NLGN1: variants seen among roughly 807,000 people sequenced by gnomAD.
NLGN1 encodes the protein neuroligin 1, also known as neuroligin-1.
A neutral mutation model predicts 65.5 loss-of-function variants in NLGN1; 12 were observed. The ratio of observed to expected loss-of-function variants is 0.18; its 90% CI spans 0.12 to 0.30. The LOEUF (loss-of-function observed/expected upper bound fraction) is 0.30. NLGN1 is among the 10% of genes least tolerant of loss of function. The probability of loss-of-function intolerance (pLI) is 1.00; values close to 1 mark genes in which losing one functional copy is unlikely to be tolerated. For missense variants in NLGN1, 750 were observed against 1,007.1 expected, an observed-to-expected ratio of 0.74 and a Z score of 3.46; for synonymous variants, 350 against 359.5, an observed-to-expected ratio of 0.97 and a Z score of 0.30.
chr3:173,760,170 C>A lies in NLGN1; in HGVS notation c.494-47510C>A, dbSNP rs561105499. ...ATTCTGTCGTCTTGCTCTGGGGTCC[C>A]ATAGAACTTTATTTTTACTTTGAGC... On this transcript the variant is annotated intron_variant, in intron 3 of 6. Transcript: ENST00000457714. Among the ~76,000 whole-genome samples, 12 of 152,010 alleles carry A rather than the reference C, an allele frequency of 7.9e-5. No individual in the cohort carries two copies. The South Asian group carries it at 2.5e-3, about 31-fold the overall frequency.
At chr3:173,641,118 T>C (rs1402575999) in intron 3 of NLGN1, among the ~76,000 whole-genome samples, 3 of 152,202 alleles carry the variant, frequency 2.0e-5, no homozygotes, top group Non-Finnish European at 4.4e-5. Context: ...ACTAAATCAT[T>C]ACACTAGAGG....
chr3:173,862,454 C>T (rs1224312886), intron 4 of NLGN1, among the ~76,000 whole-genome samples: 8 of 135,200 alleles, frequency 5.9e-5, no homozygotes, highest in East Asian at 2.2e-4. Flanking sequence ...TGCAGTGAGC[C>T]GAGATCCCGC....
intron 2 of NLGN1, among the ~76,000 whole-genome samples, chr3:173,506,856 G>GA (rs2149080636): frequency 6.6e-6 from 1 of 152,212 alleles, no homozygotes; most frequent in Admixed American, 6.6e-5. Context: ...TTAGTGTTCA[G>GA]AAAAACTTTT....
intron 4 of NLGN1, among the ~76,000 whole-genome samples, chr3:174,233,929 T>A (rs1741186893): frequency 6.6e-6 from 1 of 152,208 alleles, no homozygotes; most frequent in Non-Finnish European, 1.5e-5. Context: ...TAACTTATTT[T>A]TTGTTGTGTC....
chr3:173,840,445 T>C (rs890358923), intron 4 of NLGN1, among the ~76,000 whole-genome samples: 1 of 152,182 alleles, frequency 6.6e-6, no homozygotes, highest in Non-Finnish European at 1.5e-5. Flanking sequence ...TGGAGAGTAA[T>C]CACTGTGAAG....
chr3:174,132,386 T>G (rs970576876), intron 4 of NLGN1, among the ~76,000 whole-genome samples: 8 of 152,176 alleles, frequency 5.3e-5, no homozygotes, highest in Non-Finnish European at 8.8e-5. Flanking sequence ...ATATTGAAAT[T>G]TTTTCTTTCA....
intron 3 of NLGN1, among the ~76,000 whole-genome samples, chr3:173,738,303 T>G (rs908394354): frequency 9.2e-5 from 14 of 152,030 alleles, no homozygotes; most frequent in Non-Finnish European, 1.9e-4. Context: ...TTTGGTGTCA[T>G]GTTTAAAAAT....
At chr3:173,594,211 C>A (rs189212578) in intron 2 of NLGN1, among the ~76,000 whole-genome samples, 1 of 152,156 alleles carries the variant, frequency 6.6e-6, no homozygotes, top group South Asian at 2.1e-4. Flanking sequence ...GAAAGGCAAG[C>A]CCCTTCCAGC....
In NLGN1 at chr3:173,800,022, A is replaced by G. The variant is rs1228807752; in HGVS notation, c.494-7658A>G. 5.2e-4 allele frequency among the ~76,000 whole-genome samples: 10 copies of G among 19,050 alleles called. No individual in the cohort carries two copies. In the South Asian group the frequency reaches 8.9e-3, roughly 17 times the overall value. 12.5% of individuals were successfully genotyped at this position (19,050 alleles called of 152,430 possible). A position where few individuals can be genotyped will look rare whatever the true frequency, so the allele number is the denominator to read the frequency against. ...ATGGGTATTTTTTTTTTTTTTTTTA[A>G]AAGTCTTTGCTCATGACTTGATTTT... On this transcript the variant is annotated intron_variant, in intron 3 of 6. Transcript: ENST00000457714.
intron 4 of NLGN1, among the ~76,000 whole-genome samples, chr3:174,112,781 ATTT>A (rs1715520987): frequency 1.3e-5 from 2 of 151,858 alleles, no homozygotes; most frequent in African/African-American, 4.8e-5. Context: ...TAAAAATATG[ATTT>A]ATTTTTATTT....
chr3:174,276,447 A>G (rs1399876556), intron 5 of NLGN1, among the ~76,000 whole-genome samples: 2 of 151,214 alleles, frequency 1.3e-5, no homozygotes, highest in Non-Finnish European at 2.9e-5. Flanking sequence ...GATAATATAT[A>G]AAAACGTACA....
At chr3:174,287,031 G>C (rs1486452545), downstream of NLGN1, among the ~76,000 whole-genome samples, 3 of 151,044 alleles carry the variant, frequency 2.0e-5, no homozygotes, top group African/African-American at 7.3e-5. Flanking sequence ...TAAAAAGAAG[G>C]GCAAAGGAAT....
intron 4 of NLGN1, among the ~76,000 whole-genome samples, chr3:174,149,281 A>G (rs548409694): frequency 1.3e-5 from 2 of 152,240 alleles, no homozygotes; most frequent in East Asian, 3.9e-4. Flanking sequence ...TAAGCTAACA[A>G]TACTATCTAC....
intron 4 of NLGN1, among the ~76,000 whole-genome samples, chr3:174,252,390 T>C (rs1744948514): frequency 6.6e-6 from 1 of 152,134 alleles, no homozygotes; most frequent in Non-Finnish European, 1.5e-5. Flanking sequence ...TGTATAAAAT[T>C]CATATTATAA....
chr3:174,153,779 G>A (rs1724847074), intron 4 of NLGN1, among the ~76,000 whole-genome samples: 1 of 152,012 alleles, frequency 6.6e-6, no homozygotes, highest in African/African-American at 2.4e-5. Context: ...GAGCGCCTAA[G>A]CCCAGGAGTT....
intron 2 of NLGN1, among the ~76,000 whole-genome samples, chr3:173,442,965 C>T (rs989485366): frequency 3.3e-5 from 5 of 152,086 alleles, no homozygotes; most frequent in Admixed American, 1.3e-4. Context: ...AACCAGTTTA[C>T]GGAAATGACA....
chr3:173,926,695 C>T (rs9882442), intron 4 of NLGN1, among the ~76,000 whole-genome samples: 12,605 of 152,156 alleles, frequency 0.083, 1,221 homozygotes, highest in African/African-American at 0.24. Flanking sequence ...TCCATGTTTA[C>T]GTGGCATCAT....
chr3:173,443,528 CAT>C (rs1030256786), intron 2 of NLGN1, among the ~76,000 whole-genome samples: 37 of 151,756 alleles, frequency 2.4e-4, no homozygotes, highest in African/African-American at 8.0e-4. Flanking sequence ...AGTAAATAAA[CAT>C]ATATATTGTA....
At chr3:173,440,768 T>C (rs1719016070) in intron 2 of NLGN1, among the ~76,000 whole-genome samples, 1 of 152,206 alleles carries the variant, frequency 6.6e-6, no homozygotes, top group Non-Finnish European at 1.5e-5. Flanking sequence ...GTAAGGATCT[T>C]AGGACTTTCA....
Sources: allele counts gnomAD v4.1 joint callset (sites outside exome capture counted in the v4.1 genomes callset), GRCh38; gene constraint gnomAD v4.1.1; transcripts MANE v1.5; gene names NCBI Gene and HGNC (gene_info 2026-07-23, HGNC 2026-07-21).